The following C8orf34 variants were observed in gnomAD, a reference collection of about 807,000 sequenced individuals.
The protein encoded by C8orf34 is uncharacterized protein C8orf34.
A neutral mutation model predicts 68.3 loss-of-function variants in C8orf34; 65 were observed. The observed-to-expected ratio is 0.95, with a 90% CI of 0.78 to 1.17. The LOEUF (loss-of-function observed/expected upper bound fraction) is 1.17, where lower values mean the gene tolerates loss of function less well. C8orf34 is among the 50% of genes most tolerant of loss of function. C8orf34 has a pLI of 0.00. For synonymous variants in C8orf34, 244 were observed against 241.2 expected (o/e 1.01, Z -0.11); for missense variants, 664 against 655.4 (o/e 1.01, Z -0.14).
At chr8:68,368,042 A>G (rs1807389094) in intron 1 of C8orf34, among the ~76,000 whole-genome samples, 1 of 150,712 alleles carries the variant, frequency 6.6e-6, no homozygotes, top group Admixed American at 6.7e-5. Context: ...CTATTAGTTT[A>G]CTTTCTTCTG....
intron 1 of C8orf34, among the ~76,000 whole-genome samples, chr8:68,413,329 T>G (rs1349586543): frequency 6.6e-6 from 1 of 152,234 alleles, no homozygotes; most frequent in African/African-American, 2.4e-5. Flanking sequence ...CACTGCCAAC[T>G]GCAGAGCAGA....
At chr8:68,652,564 A>G (rs1819393323) in intron 8 of C8orf34, among the ~76,000 whole-genome samples, 1 of 152,088 alleles carries the variant, frequency 6.6e-6, no homozygotes, top group Non-Finnish European at 1.5e-5. Context: ...CAGTTCTATG[A>G]TGTATTTTGA....
At chr8:68,491,400 A>G (rs1295394010) in intron 5 of C8orf34, among the ~76,000 whole-genome samples, 1 of 152,328 alleles carries the variant, frequency 6.6e-6, no homozygotes, top group African/African-American at 2.4e-5. Flanking sequence ...AAAGTTGAAC[A>G]TGAGTTTCCC....
At chr8:68,751,693 G>A (rs1292827609) in intron 10 of C8orf34, among the ~76,000 whole-genome samples, 5 of 152,006 alleles carry the variant, frequency 3.3e-5, no homozygotes, top group African/African-American at 9.7e-5. Context: ...ATTACTTTGA[G>A]AAGTATTTGG....
rs1234773248 is a variant in C8orf34 at position 68,625,632 on chromosome 8, G to T, written c.1106-14744G>T. 4.3e-6 allele frequency: 3 copies of T among 701,872 alleles called. No homozygotes were observed. The Admixed American group carries it at 6.0e-5, about 14-fold the overall frequency. The allele number at this position is 701,872 out of a possible 1,614,324, so 43.5% of individuals were successfully genotyped here. A position where few individuals can be genotyped will look rare whatever the true frequency, so the allele number is the denominator to read the frequency against. On this transcript the variant is annotated intron_variant, in intron 7 of 13. Transcript: ENST00000518698. ...GGGAGGCAACATCCTGTGGCATGTG[G>T]CTTGCATCTCAGCGGTGGGAAAGGT...
chr8:68,462,140 C>G (rs1405921650), intron 3 of C8orf34, among the ~76,000 whole-genome samples: 1 of 151,940 alleles, frequency 6.6e-6, no homozygotes, highest in Non-Finnish European at 1.5e-5. Context: ...GGGTTGCAAT[C>G]CTGGTCTCTG....
chr8:68,431,771 G>A (rs1392540296), intron 1 of C8orf34, among the ~76,000 whole-genome samples: 1 of 152,126 alleles, frequency 6.6e-6, no homozygotes, highest in Non-Finnish European at 1.5e-5. Flanking sequence ...TTTATTACTT[G>A]CCTGTATTAT....
At chr8:68,792,571 C>CAAAAAAAAAAAAA (rs1162293308) in intron 12 of C8orf34, 4 of 42,294 alleles carry the variant, frequency 9.5e-5, no homozygotes, top group Admixed American at 4.3e-4. Context: ...GACTCCATCT[C>CAAAAAAAAAAAAA]AAAAAAAAAA....
chr8:68,662,172 A>C (rs2130813092), intron 8 of C8orf34, among the ~76,000 whole-genome samples: 1 of 152,308 alleles, frequency 6.6e-6, no homozygotes, highest in South Asian at 2.1e-4. Flanking sequence ...GGAAATGCAC[A>C]GCAAACAAAA....
intron 1 of C8orf34, among the ~76,000 whole-genome samples, chr8:68,421,665 G>T (rs1287293003): frequency 6.6e-6 from 1 of 152,166 alleles, no homozygotes; most frequent in Non-Finnish European, 1.5e-5. Context: ...AGCAAGGCCT[G>T]AGGCTGAACA....
At chr8:68,773,777 A>G (rs1227132215) in intron 10 of C8orf34, among the ~76,000 whole-genome samples, 1 of 152,112 alleles carries the variant, frequency 6.6e-6, no homozygotes, top group African/African-American at 2.4e-5. Flanking sequence ...CTCCCGTTGT[A>G]TGGCCCTTGA....
chr8:68,545,428 C>T (rs918482887), intron 7 of C8orf34, among the ~76,000 whole-genome samples: 1 of 151,868 alleles, frequency 6.6e-6, no homozygotes, highest in Non-Finnish European at 1.5e-5. Context: ...TGAAAACAGA[C>T]TAATATACAT....
intron 9 of C8orf34, among the ~76,000 whole-genome samples, chr8:68,717,969 C>T (rs1005917045): frequency 5.3e-5 from 8 of 152,156 alleles, no homozygotes; most frequent in South Asian, 4.1e-4. Flanking sequence ...CGTTGACACT[C>T]GCATAGTTTC....
chr8:68,677,780 AG>A (rs1444477482), intron 8 of C8orf34, among the ~76,000 whole-genome samples: 7 of 152,218 alleles, frequency 4.6e-5, no homozygotes, highest in African/African-American at 1.7e-4. Flanking sequence ...ATAATACAAA[AG>A]TTCAACAAAA....
chr8:68,671,650 T>A (rs954544752), intron 8 of C8orf34, among the ~76,000 whole-genome samples: 1 of 152,248 alleles, frequency 6.6e-6, no homozygotes, highest in East Asian at 1.9e-4. Flanking sequence ...TGTTAAATTG[T>A]TGCTAAAAAA....
At chr8:68,590,206 G>A (rs573384551) in intron 7 of C8orf34, among the ~76,000 whole-genome samples, 4 of 141,522 alleles carry the variant, frequency 2.8e-5, no homozygotes, top group African/African-American at 1.0e-4. Flanking sequence ...AAAGGGGGAG[G>A]GAGGGCAGGA....
At chr8:68,436,676 G>T (rs988117548) in intron 1 of C8orf34, among the ~76,000 whole-genome samples, 2 of 152,104 alleles carry the variant, frequency 1.3e-5, no homozygotes, top group African/African-American at 4.8e-5. Flanking sequence ...TTCAGCTTAT[G>T]TACCTGAAAC....
intron 1 of C8orf34, among the ~76,000 whole-genome samples, chr8:68,389,065 A>G (rs1367534623): frequency 6.6e-6 from 1 of 152,168 alleles, no homozygotes; most frequent in Non-Finnish European, 1.5e-5. Flanking sequence ...TTGAAGCTTT[A>G]TTATTGCTAG....
intron 10 of C8orf34, among the ~76,000 whole-genome samples, chr8:68,759,521 C>T (rs1239786461): frequency 2.0e-5 from 3 of 152,204 alleles, no homozygotes; most frequent in Non-Finnish European, 4.4e-5. Flanking sequence ...GCTTTCTCAA[C>T]AGTGAACTCT....
Sources: gnomAD v4.1 joint callset for allele counts (sites outside exome capture counted in the v4.1 genomes callset) on GRCh38, gnomAD v4.1.1 for gene constraint, MANE v1.5 for transcripts, NCBI Gene and HGNC (gene_info 2026-07-23, HGNC 2026-07-21) for gene names.